MDGA2: variants seen among roughly 807,000 people sequenced by gnomAD.
MDGA2 encodes MAM domain-containing glycosylphosphatidylinositol anchor protein 2.
Under a neutral mutation model 117.8 loss-of-function variants are expected in MDGA2, and 40 were observed. That is an observed-to-expected ratio of 0.34 (90% confidence interval 0.26 to 0.44). The LOEUF (loss-of-function observed/expected upper bound fraction) is 0.44, where lower values mean the gene tolerates loss of function less well. Among genes scored for constraint, MDGA2 ranks in the 20% least tolerant of loss-of-function variants. The probability of loss-of-function intolerance (pLI) is 1.00; values close to 1 mark genes in which losing one functional copy is unlikely to be tolerated. For missense variants in MDGA2, 1,123 were observed against 1,250.6 expected (o/e 0.90, Z 1.54); for synonymous variants, 452 against 439.0 (o/e 1.03, Z -0.37).
At position 47,675,307 on chromosome 14, in the gene MDGA2, G is replaced by C. The variant is rs1046886896; in HGVS notation, c.-511C>G. 9.7e-4 allele frequency among the ~76,000 whole-genome samples: 136 copies of C among 140,840 alleles called. 1 individual carries two copies. Among genetic ancestry groups the C allele is most frequent in the Non-Finnish European group, 3.2e-4 (21 of 65,982 alleles). The allele number at this position is 140,840 out of a possible 152,430, so 92.4% of individuals were successfully genotyped here. On this transcript the variant is annotated 5_prime_UTR_variant, in exon 1 of 17. Coordinates refer to ENST00000399232, the MANE Select transcript of MDGA2 (RefSeq NM_001113498.3). ...CGATACAGACTCGCATCGCCGAACG[G>C]GGAGAGGAGGAAGAGGAGGAGGAGG...
At chr14:47,021,587 G>T (rs1888288211) in intron 8 of MDGA2, among the ~76,000 whole-genome samples, 1 of 152,014 alleles carries the variant, frequency 6.6e-6, no homozygotes, top group Admixed American at 6.5e-5. Context: ...ATAACTTGTT[G>T]CAATGCAATT....
At chr14:46,866,077 T>A (rs1881745724) in intron 14 of MDGA2, among the ~76,000 whole-genome samples, 1 of 151,822 alleles carries the variant, frequency 6.6e-6, no homozygotes, top group African/African-American at 2.4e-5. Flanking sequence ...AGAGCCCGCA[T>A]CACCAAGTCA....
chr14:47,658,927 G>A (rs950792656), intron 1 of MDGA2, among the ~76,000 whole-genome samples: 34 of 152,158 alleles, frequency 2.2e-4, no homozygotes, highest in African/African-American at 8.2e-4. Flanking sequence ...GTGAATCAGA[G>A]TTCACCTTCT....
chr14:47,109,702 T>C (rs1024927441), intron 5 of MDGA2, among the ~76,000 whole-genome samples: 22 of 152,086 alleles, frequency 1.4e-4, no homozygotes, highest in Non-Finnish European at 2.6e-4. Context: ...ATCCCACAAT[T>C]TGGGAGGCCA....
intron 2 of MDGA2, among the ~76,000 whole-genome samples, chr14:47,285,490 T>C (rs1445611336): frequency 6.6e-6 from 1 of 152,122 alleles, no homozygotes; most frequent in African/African-American, 2.4e-5. Flanking sequence ...TCCAATGACT[T>C]GAGATCCCAA....
chr14:47,673,916 A>C (rs1035111800), intron 1 of MDGA2, among the ~76,000 whole-genome samples: 2 of 151,874 alleles, frequency 1.3e-5, no homozygotes, highest in East Asian at 3.9e-4. Flanking sequence ...CATTCACACA[A>C]ACATGTCCCT....
intron 1 of MDGA2, among the ~76,000 whole-genome samples, chr14:47,404,257 C>G (rs1892215511): frequency 6.6e-6 from 1 of 151,574 alleles, no homozygotes; most frequent in Non-Finnish European, 1.5e-5. Flanking sequence ...GCAATCTCAG[C>G]TCACTGCAAC....
At chr14:47,607,759 T>C (rs1896768105) in intron 1 of MDGA2, among the ~76,000 whole-genome samples, 1 of 152,114 alleles carries the variant, frequency 6.6e-6, no homozygotes, top group South Asian at 2.1e-4. Context: ...GGGATATGTA[T>C]TTTATAAAAC....
intron 1 of MDGA2, among the ~76,000 whole-genome samples, chr14:47,563,578 GTTTTTTTTTTTTTTTTTT>G (rs56244321): frequency 7.0e-5 from 4 of 56,944 alleles, no homozygotes; most frequent in Non-Finnish European, 1.3e-4. Context: ...GCTTTTTTCT[GTTTTTTTTTTTTTTTTTT>G]TTTTTTTTTT....
At position 47,098,926 on chromosome 14, in the gene MDGA2, C is replaced by T. The variant is rs1880142207; in HGVS notation, c.926-1803G>A. The stretch of plus-strand genomic sequence containing the variant: ...TTAGATATTATTTAATGCAAAAAAG[C>T]TTAAGATAATTTCAAAGCTCAAAAA... On this transcript the variant is annotated intron_variant, in intron 5 of 16. Coordinates refer to ENST00000399232, the MANE Select transcript of MDGA2 (RefSeq NM_001113498.3). Among the ~76,000 whole-genome samples, 6 of 151,982 alleles carry T rather than the reference C, an allele frequency of 3.9e-5. 1 individual carries two copies. The South Asian group carries it at 1.2e-3, about 31-fold the overall frequency.
intron 10 of MDGA2, among the ~76,000 whole-genome samples, chr14:46,887,690 A>T (rs1882726134): frequency 6.6e-6 from 1 of 151,918 alleles, no homozygotes; most frequent in Non-Finnish European, 1.5e-5. Flanking sequence ...AGGTATTATG[A>T]AGCTTCTATT....
At chr14:47,254,602 C>A (rs1887557154) in intron 2 of MDGA2, among the ~76,000 whole-genome samples, 1 of 152,158 alleles carries the variant, frequency 6.6e-6, no homozygotes, top group African/African-American at 2.4e-5. Context: ...CCTACATCTT[C>A]CTCTCTTCTG....
At chr14:46,942,907 T>C (rs956423527) in intron 9 of MDGA2, among the ~76,000 whole-genome samples, 1 of 151,784 alleles carries the variant, frequency 6.6e-6, no homozygotes, top group African/African-American at 2.4e-5. Flanking sequence ...GTTGGGTAAA[T>C]TAATTTACTT....
chr14:46,938,408 G>A (rs899966980), intron 9 of MDGA2, among the ~76,000 whole-genome samples: 1 of 151,212 alleles, frequency 6.6e-6, no homozygotes, highest in South Asian at 2.1e-4. Context: ...GTGTAGTGGC[G>A]GGAGCCTATA....
intron 8 of MDGA2, among the ~76,000 whole-genome samples, chr14:46,975,175 CT>C (rs997556806): frequency 1.3e-5 from 2 of 151,902 alleles, no homozygotes; most frequent in African/African-American, 2.4e-5. Context: ...AGAGCTACTA[CT>C]TTTTAAAAAA....
At chr14:47,045,840 C>T (rs1889241711) in intron 7 of MDGA2, among the ~76,000 whole-genome samples, 1 of 151,988 alleles carries the variant, frequency 6.6e-6, no homozygotes, top group South Asian at 2.1e-4. Context: ...TGGCGGGCGC[C>T]TGTAATCACA....
At chr14:47,351,938 CAAACAT>C (rs1890893722) in intron 1 of MDGA2, among the ~76,000 whole-genome samples, 1 of 136,798 alleles carries the variant, frequency 7.3e-6, no homozygotes, top group South Asian at 2.3e-4. Flanking sequence ...CACACACACA[CAAACAT>C]ATATATATAC....
At chr14:47,141,798 C>A (rs1485622982) in intron 4 of MDGA2, among the ~76,000 whole-genome samples, 11 of 152,048 alleles carry the variant, frequency 7.2e-5, no homozygotes, top group Admixed American at 5.2e-4. Context: ...TTCTAGTGTT[C>A]TATTGCAGAA....
intron 1 of MDGA2, among the ~76,000 whole-genome samples, chr14:47,547,501 G>A (rs74045165): frequency 0.013 from 2,046 of 152,218 alleles, 49 homozygotes; most frequent in African/African-American, 0.047. Flanking sequence ...TGGTCTGAAC[G>A]GAATACAAAG....
Sources: allele counts gnomAD v4.1 joint callset (sites outside exome capture counted in the v4.1 genomes callset), GRCh38; gene constraint gnomAD v4.1.1; transcripts MANE v1.5; gene names NCBI Gene and HGNC (gene_info 2026-07-23, HGNC 2026-07-21).